GABRR1: variants seen among roughly 807,000 people sequenced by gnomAD.
GABRR1 encodes the protein gamma-aminobutyric acid receptor subunit rho-1.
Under a neutral mutation model 55.5 loss-of-function variants are expected in GABRR1, and 59 were observed. That is an observed-to-expected ratio of 1.06 (90% CI 0.86 to 1.32). The LOEUF (loss-of-function observed/expected upper bound fraction) is 1.32, where lower values mean the gene tolerates loss of function less well. Ranked by LOEUF, GABRR1 falls within the 40% of genes most tolerant of loss-of-function variation. GABRR1 has a pLI of 0.00. For missense variants in GABRR1, 602 were observed against 619.1 expected (o/e 0.97, Z 0.29); for synonymous variants, 213 against 226.0 (o/e 0.94, Z 0.51).
At chr6:89,201,505 T>C (rs917602119) in intron 2 of GABRR1, among the ~76,000 whole-genome samples, 18 of 152,152 alleles carry the variant, frequency 1.2e-4, no homozygotes, top group South Asian at 2.1e-4. Flanking sequence ...CTGGGCCGGG[T>C]GCGGTGGCTC....
intron 3 of GABRR1, among the ~76,000 whole-genome samples, 173 bp downstream of exon 3, chr6:89,200,986 C>T (rs1041692895): frequency 2.6e-5 from 4 of 152,024 alleles, no homozygotes; most frequent in Admixed American, 6.6e-5. Flanking sequence ...GAACCCAGGG[C>T]GGGGCAAGAC....
At chr6:89,225,910 A>C (rs1773193550) in intron 1 of GABRR1, among the ~76,000 whole-genome samples, 1 of 146,144 alleles carries the variant, frequency 6.8e-6, no homozygotes, top group African/African-American at 2.6e-5. Flanking sequence ...ATTTCTCCAC[A>C]TCCTCTCCAG....
intron 1 of GABRR1, chr6:89,212,221 A>G (rs1314709374): frequency 7.4e-6 from 3 of 404,746 alleles, no homozygotes; most frequent in East Asian, 1.5e-4. Flanking sequence ...CCTGAAGCCA[A>G]TCAGATTCTG....
At chr6:89,187,891 T>C (rs879759837) in intron 6 of GABRR1, among the ~76,000 whole-genome samples, 3 of 152,248 alleles carry the variant, frequency 2.0e-5, no homozygotes, top group Non-Finnish European at 4.4e-5. Context: ...TTGGGTTGTT[T>C]TCATGTTTTA....
chr6:89,219,672 A>G (rs1773083566), upstream of GABRR1, among the ~76,000 whole-genome samples: 1 of 152,226 alleles, frequency 6.6e-6, no homozygotes, highest in Admixed American at 6.5e-5. Context: ...CAATTCTGTA[A>G]TAGTAGATGT....
chr6:89,221,709 A>T (rs1773117870), upstream of GABRR1, among the ~76,000 whole-genome samples: 1 of 152,144 alleles, frequency 6.6e-6, no homozygotes, highest in Non-Finnish European at 1.5e-5. Flanking sequence ...TTTGGCTCTG[A>T]GCTCAATGCC....
chr6:89,209,360 T>C (rs1772750352), intron 1 of GABRR1, among the ~76,000 whole-genome samples: 1 of 152,186 alleles, frequency 6.6e-6, no homozygotes, highest in South Asian at 2.1e-4. Context: ...CGTACTACTT[T>C]CTAACTTGTA....
At chr6:89,204,419 G>C (rs9342185) in intron 1 of GABRR1, among the ~76,000 whole-genome samples, 34,290 of 152,164 alleles carry the variant, frequency 0.23, 4,671 homozygotes, top group East Asian at 0.67. Context: ...GAAGGACACC[G>C]GGGACAAAGT....
At chr6:89,230,937 C>T (rs1287947297) in intron 1 of GABRR1, among the ~76,000 whole-genome samples, 4 of 150,906 alleles carry the variant, frequency 2.7e-5, no homozygotes, top group East Asian at 3.9e-4. Context: ...TAGGACCCTC[C>T]GAGCCAGGTG....
chr6:89,204,643 G>A (rs992042448), intron 1 of GABRR1: 2 of 1,285,364 alleles, frequency 1.6e-6, no homozygotes, highest in African/African-American at 3.0e-5. Flanking sequence ...GATGAAAGGA[G>A]GTTTGTCAAA....
chr6:89,219,142 T>G (rs1773074263), upstream of GABRR1, among the ~76,000 whole-genome samples: 1 of 152,152 alleles, frequency 6.6e-6, no homozygotes, highest in Non-Finnish European at 1.5e-5. Context: ...GGCGGGCACC[T>G]GTAATCTCAG....
chr6:89,225,528 T>C (rs1163739174), intron 1 of GABRR1, among the ~76,000 whole-genome samples: 2 of 136,424 alleles, frequency 1.5e-5, no homozygotes, highest in Non-Finnish European at 3.2e-5. Context: ...GGTTTTTTGT[T>C]CTTGCGATAG....
Position 89,178,608 on chromosome 6 carries a change from A to C in GABRR1, c.*162T>G. The C allele has an allele frequency of 1.6e-6, 1 of 626,444 alleles. No individual in the cohort carries two copies. Among genetic ancestry groups the C allele is most frequent in the South Asian group, 2.0e-5 (1 of 50,008 alleles). The allele number at this position is 626,444 out of a possible 1,614,324, so 38.8% of individuals were successfully genotyped here. A position where few individuals can be genotyped will look rare whatever the true frequency, so the allele number is the denominator to read the frequency against. ...TTAATAAGTGCAAATTAAACCAGTA[A>C]GTGTCTCGTCAATGTAGCTTTGGAA... On this transcript the variant is annotated 3_prime_UTR_variant, in exon 10 of 10. Coordinates refer to ENST00000454853, the MANE Select transcript of GABRR1 (RefSeq NM_002042.5).
At chr6:89,192,851 T>A (rs533665725) in intron 5 of GABRR1, among the ~76,000 whole-genome samples, 2 of 152,314 alleles carry the variant, frequency 1.3e-5, no homozygotes, top group East Asian at 3.9e-4. Context: ...TGAGCCACCA[T>A]GCCCGGCCTC....
At position 89,196,727 on chromosome 6, in the gene GABRR1, C is replaced by T. The variant is rs140043982; in HGVS notation, c.572+1293G>A. On this transcript the variant is annotated intron_variant, in intron 5 of 9. Transcript: ENST00000454853. Reference sequence around the variant, plus strand: ...GGGAGGTTGAGGCTGCAGTAAGCCACGATCACGCCAGTGCACTCCAGCCTG... The same window carrying T: ...GGGAGGTTGAGGCTGCAGTAAGCCATGATCACGCCAGTGCACTCCAGCCTG... 7.5e-3 allele frequency among the ~76,000 whole-genome samples: 1,132 copies of T among 150,286 alleles called. 17 individuals carry two copies. The highest frequency in any genetic ancestry group is 0.027 in the African/African-American group (1,089 of 40,804).
At chr6:89,189,284 G>A (rs1033561223) in intron 6 of GABRR1, among the ~76,000 whole-genome samples, 2 of 150,672 alleles carry the variant, frequency 1.3e-5, no homozygotes, top group African/African-American at 4.9e-5. Context: ...ATGATAGACT[G>A]GATTAAGAAA....
chr6:89,218,003 G>A (rs770053543), upstream of GABRR1, among the ~76,000 whole-genome samples: 32 of 152,130 alleles, frequency 2.1e-4, no homozygotes, highest in Non-Finnish European at 4.0e-4. Context: ...GTCCACATTT[G>A]AAAAATACCA....
At chr6:89,223,126 G>A (rs181452602) in intron 1 of GABRR1, among the ~76,000 whole-genome samples, 207 of 151,846 alleles carry the variant, frequency 1.4e-3, no homozygotes, top group Admixed American at 4.3e-3. Context: ...GTGGTAATTC[G>A]TGGGATTTCG....
At chr6:89,185,520 A>T (rs1052463295) in intron 6 of GABRR1, 70 bp from the exon 7 acceptor site, 1 of 1,410,548 alleles carries the variant, frequency 7.1e-7, no homozygotes, top group Non-Finnish European at 1.0e-6. Context: ...GGCTATGTAG[A>T]AGCTGTGTCC....
Sources: allele counts gnomAD v4.1 joint callset (sites outside exome capture counted in the v4.1 genomes callset), GRCh38; gene constraint gnomAD v4.1.1; transcripts MANE v1.5; gene names NCBI Gene and HGNC (gene_info 2026-07-23, HGNC 2026-07-21).